The following ABTB3 variants were observed in gnomAD, a reference collection of about 807,000 sequenced individuals.
ABTB3 encodes ankyrin repeat- and BTB/POZ domain-containing protein 3.
At chr12:107,332,881 G>A in the ABTB3 span, among the ~76,000 whole-genome samples, 1 of 152,196 alleles carries the variant, frequency 6.6e-6, no homozygotes, top group Admixed American at 6.5e-5. Context: ...TGCAAAAGAA[G>A]CAATCATGAG....
chr12:107,564,090 C>CTGTGTGTGTG, the ABTB3 span, among the ~76,000 whole-genome samples: 520 of 126,402 alleles, frequency 4.1e-3, 2 homozygotes, highest in Non-Finnish European at 4.6e-3. Context: ...ATCTATCTCT[C>CTGTGTGTGTG]TGTGTGTGTG....
At chr12:107,600,563 AC>A in the ABTB3 span, among the ~76,000 whole-genome samples, 1 of 152,208 alleles carries the variant, frequency 6.6e-6, no homozygotes, top group South Asian at 2.1e-4. Flanking sequence ...ACACAGCAGA[AC>A]GGGGCTGCAT....
At chr12:107,415,915 A>G in the ABTB3 span, among the ~76,000 whole-genome samples, 8 of 151,676 alleles carry the variant, frequency 5.3e-5, no homozygotes, top group Non-Finnish European at 1.0e-4. Context: ...TTGAGCCCAC[A>G]CTCTGACAGT....
the ABTB3 span, among the ~76,000 whole-genome samples, chr12:107,601,913 G>C: frequency 2.1e-4 from 32 of 152,314 alleles, no homozygotes; most frequent in Non-Finnish European, 3.4e-4. Context: ...TGAAATTAAA[G>C]CTGTGCCAGG....
chr12:107,644,807 C>T, the ABTB3 span, among the ~76,000 whole-genome samples: 1 of 152,040 alleles, frequency 6.6e-6, no homozygotes, highest in South Asian at 2.1e-4. Flanking sequence ...TTGGCCCCCA[C>T]TTATAAGTGA....
the ABTB3 span, among the ~76,000 whole-genome samples, chr12:107,499,660 G>T: frequency 1.3e-5 from 2 of 151,442 alleles, no homozygotes; most frequent in Non-Finnish European, 2.9e-5. Flanking sequence ...GCAAGAGGGG[G>T]CAGGGGGACT....
At chr12:107,519,507 G>A in the ABTB3 span, among the ~76,000 whole-genome samples, 1 of 151,814 alleles carries the variant, frequency 6.6e-6, no homozygotes, top group East Asian at 1.9e-4. Context: ...TAGTAGAGAC[G>A]GTGTTTCGCC....
At chr12:107,544,193 G>A in the ABTB3 span, 2 of 1,563,662 alleles carry the variant, frequency 1.3e-6, no homozygotes, top group East Asian at 2.2e-5. Flanking sequence ...TCCAGGGTGG[G>A]GCAAGTGTCC....
the ABTB3 span, chr12:107,520,681 C>A: frequency 1.2e-6 from 2 of 1,603,476 alleles, no homozygotes; most frequent in Non-Finnish European, 1.7e-6. Context: ...CAAGACATAT[C>A]CTGTCTGTGC....
At chr12:107,445,497 G>T in the ABTB3 span, among the ~76,000 whole-genome samples, 1 of 152,146 alleles carries the variant, frequency 6.6e-6, no homozygotes, top group Admixed American at 6.5e-5. Context: ...CCATGCTGAG[G>T]AGTGGTGCCC....
At chr12:107,548,397 C>T in the ABTB3 span, among the ~76,000 whole-genome samples, 1 of 152,216 alleles carries the variant, frequency 6.6e-6, no homozygotes, top group East Asian at 1.9e-4. Flanking sequence ...TTTTATGCCT[C>T]AAACCATCCT....
At chr12:107,516,137 G>T in the ABTB3 span, among the ~76,000 whole-genome samples, 1 of 151,730 alleles carries the variant, frequency 6.6e-6, no homozygotes, top group South Asian at 2.1e-4. Flanking sequence ...AACAAGATTG[G>T]ATTAGAGTCT....
At chr12:107,449,479 G>A in the ABTB3 span, among the ~76,000 whole-genome samples, 1 of 152,110 alleles carries the variant, frequency 6.6e-6, no homozygotes, top group African/African-American at 2.4e-5. Flanking sequence ...TGAGCTTCAG[G>A]AGGAAGGTTC....
At chr12:107,414,653 G>C in the ABTB3 span, among the ~76,000 whole-genome samples, 1 of 151,458 alleles carries the variant, frequency 6.6e-6, no homozygotes, top group Non-Finnish European at 1.5e-5. Flanking sequence ...GCCACACCTC[G>C]TCTGGTCTCT....
chr12:107,353,497 C>T, the ABTB3 span, among the ~76,000 whole-genome samples: 1 of 152,176 alleles, frequency 6.6e-6, no homozygotes, highest in Admixed American at 6.5e-5. Flanking sequence ...AGGCAAATCA[C>T]TTAACATCTC....
chr12:107,515,382 G>A, the ABTB3 span, among the ~76,000 whole-genome samples: 1 of 152,210 alleles, frequency 6.6e-6, no homozygotes, highest in African/African-American at 2.4e-5. Context: ...CAGGTCTCGA[G>A]TCTCCTTTGC....
chr12:107,625,599 A>G, the ABTB3 span, among the ~76,000 whole-genome samples: 1 of 152,058 alleles, frequency 6.6e-6, no homozygotes, highest in Non-Finnish European at 1.5e-5. Context: ...TCTGGCTCCC[A>G]CGTAGTCTTC....
the ABTB3 span, among the ~76,000 whole-genome samples, chr12:107,389,090 A>G: frequency 0.079 from 12,087 of 152,154 alleles, 709 homozygotes; most frequent in African/African-American, 0.16. Context: ...ACCTGTGGTA[A>G]TTGGGACTGC....
At chr12:107,348,922 C>T in the ABTB3 span, among the ~76,000 whole-genome samples, 1 of 152,184 alleles carries the variant, frequency 6.6e-6, no homozygotes, top group African/African-American at 2.4e-5. Flanking sequence ...GGACCCTAGG[C>T]AGAGTTCCAG....
Sources: allele counts gnomAD v4.1 joint callset (sites outside exome capture counted in the v4.1 genomes callset), GRCh38; gene constraint gnomAD v4.1.1; transcripts MANE v1.5; gene names NCBI Gene and HGNC (gene_info 2026-07-23, HGNC 2026-07-21).